KLRF1: variants seen among roughly 807,000 people sequenced by gnomAD.
KLRF1 encodes the protein killer cell lectin-like receptor subfamily F member 1.
KLRF1 carries 27 observed loss-of-function variants against 30.7 expected under a neutral mutation model. The ratio of observed to expected loss-of-function variants is 0.88; its 90% CI spans 0.65 to 1.21. The LOEUF is 1.21. Ranked by LOEUF, KLRF1 falls within the 50% of genes most tolerant of loss-of-function variation. The pLI, the probability that KLRF1 is intolerant of heterozygous loss-of-function variation, is 0.00. For missense variants in KLRF1, 246 were observed against 259.3 expected (o/e 0.95, Z 0.35); for synonymous variants, 92 against 89.3 (o/e 1.03, Z -0.17).
At chr12:9,832,103 A>G (rs1459037408) in intron 1 of KLRF1, among the ~76,000 whole-genome samples, 3 of 152,208 alleles carry the variant, frequency 2.0e-5, no homozygotes, top group Non-Finnish European at 4.4e-5. Context: ...CAGATTTGAT[A>G]TGACACGTAT....
the KLRF1 span, among the ~76,000 whole-genome samples, chr12:9,820,713 G>A: frequency 6.6e-6 from 1 of 152,160 alleles, no homozygotes; most frequent in East Asian, 1.9e-4. Flanking sequence ...TCAATCAAAG[G>A]CAGCCCAGCA....
At chr12:9,833,253 A>G (rs979285891) in intron 2 of KLRF1, 50 bp from the exon 3 acceptor site, 3 of 1,314,540 alleles carry the variant, frequency 2.3e-6, no homozygotes, top group Non-Finnish European at 3.1e-6. Context: ...TCCCTGAAAC[A>G]TTCCATAGAG....
the KLRF1 span, among the ~76,000 whole-genome samples, chr12:9,809,333 C>T: frequency 6.6e-6 from 1 of 152,078 alleles, no homozygotes; most frequent in Non-Finnish European, 1.5e-5. Context: ...ATTCCTGGCC[C>T]AATTCTTTGA....
At chr12:9,805,401 C>T in the KLRF1 span, among the ~76,000 whole-genome samples, 363 of 152,028 alleles carry the variant, frequency 2.4e-3, 2 homozygotes, top group African/African-American at 8.2e-3. Context: ...AGCTAATTCC[C>T]TCCAGCCCTT....
chr12:9,830,647 A>AT (rs143830993), intron 1 of KLRF1, among the ~76,000 whole-genome samples: 2 of 151,802 alleles, frequency 1.3e-5, no homozygotes, highest in African/African-American at 2.4e-5. Context: ...ATGATGATAG[A>AT]TTTTTTTCCT....
At chr12:9,831,780 A>C (rs1198580958) in intron 1 of KLRF1, among the ~76,000 whole-genome samples, 2 of 152,176 alleles carry the variant, frequency 1.3e-5, no homozygotes, top group Non-Finnish European at 2.9e-5. Flanking sequence ...TTAAAAGTTT[A>C]GCATTTAATA....
chr12:9,833,629 G>C (rs1300448426), intron 3 of KLRF1, among the ~76,000 whole-genome samples, 177 bp downstream of exon 3: 1 of 152,128 alleles, frequency 6.6e-6, no homozygotes, highest in East Asian at 1.9e-4. Context: ...GGAGAAAATG[G>C]TAAAACAACA....
At chr12:9,839,546 A>G (rs1188030357) in intron 3 of KLRF1, among the ~76,000 whole-genome samples, 2 of 152,130 alleles carry the variant, frequency 1.3e-5, no homozygotes, top group Non-Finnish European at 2.9e-5. Context: ...ACCCAGTTTA[A>G]AAATGAACAT....
rs1260349081 is a variant in KLRF1 at position 9,842,437 on chromosome 12, A to G, written c.587+4A>G. Reference sequence around the variant, plus strand: ...GTTCTCCAATAGATTCAAAGATGTGAGTCTTTCTTAAAAGGCAATCTGATT... The same window carrying G: ...GTTCTCCAATAGATTCAAAGATGTGGGTCTTTCTTAAAAGGCAATCTGATT... On this transcript the variant is annotated splice_donor_region_variant and intron_variant, in intron 5 of 5. Transcript: ENST00000617889. 3.1e-6 allele frequency: 5 copies of G among 1,610,516 alleles called. No homozygotes were observed. The highest frequency in any genetic ancestry group is 4.2e-6 in the Non-Finnish European group (5 of 1,178,138).
At chr12:9,826,114 G>T (rs1171129194), upstream of KLRF1, among the ~76,000 whole-genome samples, 2 of 152,064 alleles carry the variant, frequency 1.3e-5, no homozygotes. Flanking sequence ...AGGGTATATT[G>T]TGTTTTTAAA....
Position 9,829,862 on chromosome 12 carries a change from A to G in KLRF1, c.85+2233A>G, listed in dbSNP as rs778266331. Among the ~76,000 whole-genome samples, 7 of 152,340 alleles carry G rather than the reference A, an allele frequency of 4.6e-5. No individual in the cohort carries two copies. The East Asian group carries it at 5.8e-4, about 13-fold the overall frequency. ...ATAAAATTTACCATTTTGTATTTCT[A>G]TATTTCCAGTGTTTACTTAGCTATT... On this transcript the variant is annotated intron_variant, in intron 1 of 5. Coordinates refer to ENST00000617889, the MANE Select transcript of KLRF1 (RefSeq NM_016523.3).
chr12:9,836,252 C>G (rs1307577375), intron 3 of KLRF1, among the ~76,000 whole-genome samples: 1 of 152,012 alleles, frequency 6.6e-6, no homozygotes, highest in Non-Finnish European at 1.5e-5. Flanking sequence ...AAGTTACCCC[C>G]ACTACTTGGA....
the KLRF1 span, among the ~76,000 whole-genome samples, chr12:9,812,662 G>C: frequency 1.3e-5 from 2 of 152,062 alleles, no homozygotes; most frequent in African/African-American, 4.8e-5. Context: ...TTGTTTGTCT[G>C]TTTCTGTTAT....
the KLRF1 span, among the ~76,000 whole-genome samples, chr12:9,814,414 C>A: frequency 6.6e-6 from 1 of 152,212 alleles, no homozygotes; most frequent in Non-Finnish European, 1.5e-5. Context: ...ACAGCCTGAG[C>A]CCTGAGCACA....
In KLRF1 at chr12:9,832,109, C is replaced by T. The variant is rs181682700; in HGVS notation, c.86-207C>T. ...CAATTTCTTCAGATTTGATATGACA[C>T]GTATCATAGCTTCTGACCATCCAGA... On this transcript the variant is annotated intron_variant, in intron 1 of 5. Coordinates refer to ENST00000617889, the MANE Select transcript of KLRF1 (RefSeq NM_016523.3). Among the ~76,000 whole-genome samples the T allele has an allele frequency of 7.0e-4, 107 of 152,202 alleles. 1 individual carries two copies. The Middle Eastern group carries it at 0.017, about 24-fold the overall frequency.
At chr12:9,835,822 T>TG (rs928201750) in intron 3 of KLRF1, among the ~76,000 whole-genome samples, 1 of 151,880 alleles carries the variant, frequency 6.6e-6, no homozygotes, top group African/African-American at 2.4e-5. Flanking sequence ...GGTCCAAATA[T>TG]GGGGGGAGTA....
At chr12:9,833,526 G>T (rs1403976158) in intron 3 of KLRF1, 74 bp downstream of exon 3, 2 of 1,244,416 alleles carry the variant, frequency 1.6e-6, no homozygotes, top group Admixed American at 2.9e-5. Context: ...TTTTGAACAG[G>T]TATGCAATAG....
In KLRF1 at chr12:9,844,611, TTTAAAGTGCAA is replaced by T. The variant is rs1867773236; in HGVS notation, c.*91_*101del. 4.2e-6 allele frequency: 3 copies of T among 720,198 alleles called. No individual in the cohort carries two copies. The Admixed American group carries it at 7.4e-5, about 18-fold the overall frequency. 44.6% of individuals were successfully genotyped at this position (720,198 alleles called of 1,614,324 possible). Reference sequence around the variant, plus strand: ...TAATATTAATCTCCAGGTGTAAGATTTTAAAGTGCAATTAAATGCCAAAATCTCTTCTCCCT... The same window carrying T: ...TAATATTAATCTCCAGGTGTAAGATTTTAAATGCCAAAATCTCTTCTCCCT... On this transcript the variant is annotated 3_prime_UTR_variant, in exon 6 of 6. Transcript: ENST00000617889.
At chr12:9,817,740 T>C in the KLRF1 span, 1 of 208,930 alleles carries the variant, frequency 4.8e-6, no homozygotes, top group African/African-American at 2.4e-5. Context: ...CCCCATGATA[T>C]TTTTTGGTCT....
Sources: allele counts gnomAD v4.1 joint callset (sites outside exome capture counted in the v4.1 genomes callset), GRCh38; gene constraint gnomAD v4.1.1; transcripts MANE v1.5; gene names NCBI Gene and HGNC (gene_info 2026-07-23, HGNC 2026-07-21).